MAML3: variants seen among roughly 807,000 people sequenced by gnomAD.
MAML3 encodes the protein mastermind-like protein 3.
A neutral mutation model predicts 101.9 loss-of-function variants in MAML3; 27 were observed. That is an observed-to-expected ratio of 0.27 (90% CI 0.20 to 0.37). MAML3 has a LOEUF of 0.37. Ranked by LOEUF, MAML3 falls within the 10% of genes least tolerant of loss-of-function variation. The pLI is 1.00. For missense variants in MAML3, 1,316 were observed against 1,444.9 expected, an observed-to-expected ratio of 0.91 and a Z score of 1.45; for synonymous variants, 501 against 555.9, an observed-to-expected ratio of 0.90 and a Z score of 1.39.
At chr4:139,748,269 A>G (rs537486730) in intron 2 of MAML3, among the ~76,000 whole-genome samples, 3 of 151,842 alleles carry the variant, frequency 2.0e-5, no homozygotes, top group African/African-American at 4.8e-5. Context: ...AAGAGAAGAC[A>G]CTCCCTAGGC....
At chr4:139,734,921 A>G (rs369049851) in intron 2 of MAML3, among the ~76,000 whole-genome samples, 174 of 152,306 alleles carry the variant, frequency 1.1e-3, no homozygotes, top group African/African-American at 4.0e-3. Flanking sequence ...AGCCTTTTCC[A>G]GGCGTCCCTC....
intron 2 of MAML3, among the ~76,000 whole-genome samples, chr4:139,852,935 T>C (rs1317735566): frequency 6.6e-6 from 1 of 152,226 alleles, no homozygotes; most frequent in Non-Finnish European, 1.5e-5. Flanking sequence ...GTACTCTCTA[T>C]GATGGGCCTC....
intron 4 of MAML3, among the ~76,000 whole-genome samples, chr4:139,724,228 T>C (rs1189757971): frequency 6.6e-6 from 1 of 152,218 alleles, no homozygotes; most frequent in Admixed American, 6.5e-5. Context: ...CCAGTATTTT[T>C]ACAGGTGATC....
At chr4:140,143,429 C>T (rs1729007056) in intron 1 of MAML3, among the ~76,000 whole-genome samples, 1 of 152,162 alleles carries the variant, frequency 6.6e-6, no homozygotes, top group Non-Finnish European at 1.5e-5. Flanking sequence ...AGGACTTTTA[C>T]GTATACTAAC....
chr4:139,772,806 A>C (rs1301866587), intron 2 of MAML3, among the ~76,000 whole-genome samples: 4 of 150,406 alleles, frequency 2.7e-5, no homozygotes, highest in African/African-American at 9.8e-5. Context: ...GAAAGAATAA[A>C]GTATTGCTCA....
intron 2 of MAML3, among the ~76,000 whole-genome samples, chr4:139,837,340 CAA>C (rs1013975666): frequency 6.6e-6 from 1 of 150,612 alleles, no homozygotes; most frequent in Admixed American, 6.6e-5. Flanking sequence ...ACTAAAAATA[CAA>C]AAAAAATTAG....
Position 140,152,871 on chromosome 4 carries a change from T to A in MAML3, c.457A>T (p.Thr153Ser), listed in dbSNP as rs769211222. ...EAASAEQRNH[T>S]LIMLQETVKR... ...CCGTGCGCCCTCACCATGATCAGCGTGTGGTTCCTCTGCTCCGCCGAGGCA... is the reference window on the plus strand; with the variant it reads ...CCGTGCGCCCTCACCATGATCAGCGAGTGGTTCCTCTGCTCCGCCGAGGCA... The change falls in exon 1 of 5, where the codon ACG becomes TCG. Residue 153 changes from threonine to serine, a missense_variant. By Grantham distance (58) the Thr-to-Ser change is moderately conservative. Transcript: ENST00000509479. 6.3e-7 allele frequency: 1 copy of A among 1,591,606 alleles called. No homozygotes were observed. The highest frequency in any genetic ancestry group is 1.7e-5 in the Admixed American group (1 of 59,008).
intron 1 of MAML3, among the ~76,000 whole-genome samples, chr4:140,102,449 A>G (rs1384807926): frequency 6.6e-6 from 1 of 152,210 alleles, no homozygotes; most frequent in Non-Finnish European, 1.5e-5. Context: ...TGAGGCCTCT[A>G]TCCTTGGCTT....
rs1553954173 is a variant in MAML3, at chr4:139,753,341, A to AATCAATCT, written c.2080-22675_2080-22674insAGATTGAT. On this transcript the variant is annotated intron_variant, in intron 2 of 4. Transcript: ENST00000509479. ...TTCTTTGCTTTTTTCTTTTCTTTTT[A>AATCAATCT]ATCTATCTATCTATCTATCTATCTA... is the stretch of plus-strand genomic sequence containing the variant. Among the ~76,000 whole-genome samples the AATCAATCT allele has an allele frequency of 2.7e-5, 4 of 146,578 alleles. No individual in the cohort carries two copies. The Admixed American group carries it at 2.7e-4, about 10-fold the overall frequency.
At chr4:139,770,178 C>T (rs1165120045) in intron 2 of MAML3, among the ~76,000 whole-genome samples, 3 of 152,158 alleles carry the variant, frequency 2.0e-5, no homozygotes, top group African/African-American at 7.2e-5. Flanking sequence ...GCGATCCTCC[C>T]GCCTTGGCCT....
Position 140,077,290 on chromosome 4 carries a change from A to C in MAML3, c.468+75570T>G, listed in dbSNP as rs374284435. Among the ~76,000 whole-genome samples, 20 of 152,336 alleles carry C rather than the reference A, an allele frequency of 1.3e-4. No homozygotes were observed. The South Asian group carries it at 4.1e-3, about 32-fold the overall frequency. The stretch of plus-strand genomic sequence containing the variant: ...CAGGAATCTTATCAACATAACTTAC[A>C]AAATCAATGTTTCTGATTCATACAA... On this transcript the variant is annotated intron_variant, in intron 1 of 4. Coordinates refer to ENST00000509479, the MANE Select transcript of MAML3 (RefSeq NM_018717.5).
At chr4:139,866,765 T>G (rs1051926532) in intron 2 of MAML3, among the ~76,000 whole-genome samples, 6 of 152,188 alleles carry the variant, frequency 3.9e-5, no homozygotes, top group Non-Finnish European at 7.3e-5. Context: ...CAATTCCAGT[T>G]TGACGCTAAT....
At chr4:139,821,067 A>G (rs1730964885) in intron 2 of MAML3, among the ~76,000 whole-genome samples, 1 of 152,246 alleles carries the variant, frequency 6.6e-6, no homozygotes, top group African/African-American at 2.4e-5. Context: ...ATTGATCGGA[A>G]GCAGTAACTT....
chr4:139,909,328 T>A (rs898461951), intron 1 of MAML3, among the ~76,000 whole-genome samples: 1 of 152,200 alleles, frequency 6.6e-6, no homozygotes, highest in Non-Finnish European at 1.5e-5. Context: ...TCTAACTGCA[T>A]GAATATTTAA....
intron 2 of MAML3, among the ~76,000 whole-genome samples, chr4:139,744,082 C>A (rs781203197): frequency 7.9e-5 from 12 of 152,292 alleles, no homozygotes; most frequent in South Asian, 4.1e-4. Flanking sequence ...ATCCTGTAGT[C>A]AGATGCACAA....
chr4:139,798,605 C>A (rs181201840), intron 2 of MAML3, among the ~76,000 whole-genome samples: 4 of 152,292 alleles, frequency 2.6e-5, no homozygotes, highest in Admixed American at 1.3e-4. Context: ...GATGTGCTCT[C>A]CCTATGCAAT....
At chr4:139,736,534 T>G (rs1183210797) in intron 2 of MAML3, among the ~76,000 whole-genome samples, 2 of 148,010 alleles carry the variant, frequency 1.4e-5, no homozygotes, top group Non-Finnish European at 3.0e-5. Context: ...TCCTTGACAA[T>G]GGAAATTTTG....
chr4:139,962,262 C>T (rs900554541), intron 1 of MAML3, among the ~76,000 whole-genome samples: 8 of 152,084 alleles, frequency 5.3e-5, no homozygotes, highest in Non-Finnish European at 1.2e-4. Context: ...TAGGTGTTGC[C>T]GTTTAGCCTA....
Position 140,076,481 on chromosome 4 carries a change from T to C in MAML3, c.468+76379A>G, listed in dbSNP as rs1727768225. On this transcript the variant is annotated intron_variant, in intron 1 of 4. Coordinates refer to ENST00000509479, the MANE Select transcript of MAML3 (RefSeq NM_018717.5). Reference sequence around the variant, plus strand: ...TTTTGTGGTTGAAATGAAAAAACTCTCCTCCATCCTGTACTGACTCTGCAG... The same window carrying C: ...TTTTGTGGTTGAAATGAAAAAACTCCCCTCCATCCTGTACTGACTCTGCAG... Among the ~76,000 whole-genome samples, 3 of 152,168 alleles carry C rather than the reference T, an allele frequency of 2.0e-5. No individual in the cohort carries two copies. In the South Asian group the frequency reaches 6.2e-4, roughly 32 times the overall value.
Sources: allele counts gnomAD v4.1 joint callset (sites outside exome capture counted in the v4.1 genomes callset), GRCh38; gene constraint gnomAD v4.1.1; transcripts MANE v1.5; gene names NCBI Gene and HGNC (gene_info 2026-07-23, HGNC 2026-07-21).